USP47: variants seen among roughly 807,000 people sequenced by gnomAD.
USP47 encodes the protein ubiquitin carboxyl-terminal hydrolase 47.
In USP47, 35 loss-of-function variants were observed where a neutral mutation model predicts 165.1. The ratio of observed to expected loss-of-function variants is 0.21; its 90% CI spans 0.16 to 0.28. USP47 has a LOEUF of 0.28. Among genes scored for constraint, USP47 ranks in the 10% least tolerant of loss-of-function variants. USP47 has a pLI of 1.00. For missense variants in USP47, 1,277 were observed against 1,607.4 expected (o/e 0.79, Z 3.52); for synonymous variants, 531 against 544.5 (o/e 0.98, Z 0.35).
At chr11:11,888,744 A>T (rs1207602781) in intron 3 of USP47, among the ~76,000 whole-genome samples, 2 of 152,196 alleles carry the variant, frequency 1.3e-5, no homozygotes, top group East Asian at 3.8e-4. Context: ...GCAGAGATAC[A>T]ACAAGAAAAG....
intron 20 of USP47, among the ~76,000 whole-genome samples, chr11:11,946,124 C>T (rs1359508317): frequency 6.6e-6 from 1 of 152,012 alleles, no homozygotes; most frequent in African/African-American, 2.4e-5. Flanking sequence ...GTAATTATAG[C>T]CAATAAATTA....
chr11:11,944,903 G>A (rs535627718), intron 20 of USP47, among the ~76,000 whole-genome samples: 5 of 152,252 alleles, frequency 3.3e-5, no homozygotes, highest in South Asian at 2.1e-4. Flanking sequence ...AGTCTCAACC[G>A]TAGGAAAAAT....
chr11:11,926,278 A>G (rs762076495), intron 11 of USP47, among the ~76,000 whole-genome samples: 5 of 152,138 alleles, frequency 3.3e-5, no homozygotes, highest in Non-Finnish European at 7.4e-5. Flanking sequence ...CAAATGTTTG[A>G]TAAAATTCTC....
At chr11:11,934,085 T>C in intron 16 of USP47, 150 bp downstream of exon 16, 1 of 588,182 alleles carries the variant, frequency 1.7e-6, no homozygotes, top group Non-Finnish European at 2.9e-6. Context: ...TATTTATACC[T>C]CTCCTTTGGA....
intron 16 of USP47, among the ~76,000 whole-genome samples, chr11:11,935,512 A>G (rs894185495): frequency 5.9e-5 from 9 of 151,976 alleles, no homozygotes; most frequent in African/African-American, 1.9e-4. Context: ...AGTCAATCTT[A>G]TATGCCAAAA....
At position 11,880,347 on chromosome 11, in the gene USP47, G is replaced by T; in HGVS notation, c.210G>T (p.Leu70Phe). The change falls in exon 2 of 28, where the codon TTG becomes TTT. Residue 70 changes from leucine (L) to phenylalanine (F), a missense_variant. By Grantham distance (22) the Leu-to-Phe change is conservative. Coordinates refer to ENST00000527733, the MANE Select transcript of USP47 (RefSeq NM_001282659.2). ...KVGYINGTFDLVWGNGINTAD... is the reference protein window; with the variant it reads ...KVGYINGTFDFVWGNGINTAD... ...GCTACATAAATGGAACCTTTGACTT[G>T]GTGTGGGGAAATGGAATCAATACTG... The T allele has an allele frequency of 3.0e-6, 4 of 1,353,302 alleles. No homozygotes were observed. The highest frequency in any genetic ancestry group is 3.8e-6 in the Non-Finnish European group (4 of 1,057,734). 83.8% of individuals were successfully genotyped at this position (1,353,302 alleles called of 1,614,324 possible). A position where few individuals can be genotyped will look rare whatever the true frequency, so the allele number is the denominator to read the frequency against.
chr11:11,949,615 C>T (rs1041366378), intron 22 of USP47, among the ~76,000 whole-genome samples: 3 of 152,012 alleles, frequency 2.0e-5, no homozygotes, highest in African/African-American at 7.2e-5. Flanking sequence ...AAGGAAAATA[C>T]AAGTGTGTTA....
At chr11:11,954,149 C>T (rs977392745) in intron 25 of USP47, among the ~76,000 whole-genome samples, 1 of 152,036 alleles carries the variant, frequency 6.6e-6, no homozygotes, top group Non-Finnish European at 1.5e-5. Flanking sequence ...ACTCAGGAGG[C>T]TGAAGCTGGA....
rs1161518047 is a variant in USP47 at position 11,958,721 on chromosome 11, G to A, written c.*2546G>A. On this transcript the variant is annotated 3_prime_UTR_variant, in exon 28 of 28. Coordinates refer to ENST00000527733, the MANE Select transcript of USP47 (RefSeq NM_001282659.2). ...TGTTTCTAAGGCGGGCACTCAAGGT[G>A]AGGGGTGCATTCTGGCCAAAGAAAC... is the stretch of plus-strand genomic sequence containing the variant. 6.6e-6 allele frequency: 1 copy of A among 152,294 alleles called. No individual in the cohort carries two copies. Among genetic ancestry groups the A allele is most frequent in the African/African-American group, 2.4e-5 (1 of 41,462 alleles). The allele number at this position is 152,294 out of a possible 1,614,324, so 9.4% of individuals were successfully genotyped here.
At chr11:11,950,298 T>G in intron 23 of USP47, 66 bp from the exon 24 acceptor site, 1 of 1,101,686 alleles carries the variant, frequency 9.1e-7, no homozygotes, top group Non-Finnish European at 1.3e-6. Flanking sequence ...GGTGTCAGAT[T>G]AGTGTCAATC....
At chr11:11,913,897 A>C (rs1454087691) in intron 8 of USP47, among the ~76,000 whole-genome samples, 24 of 152,086 alleles carry the variant, frequency 1.6e-4, no homozygotes, top group Admixed American at 1.4e-3. Context: ...TATGTGTCAA[A>C]AAAACTTTGA....
chr11:11,933,747 T>C, intron 15 of USP47, 84 bp from the exon 16 acceptor site: 1 of 949,348 alleles, frequency 1.1e-6, no homozygotes, highest in South Asian at 1.5e-5. Flanking sequence ...ATTGCAGTAT[T>C]TTGACAATTA....
chr11:11,872,091 A>T (rs1850107038), intron 1 of USP47, among the ~76,000 whole-genome samples: 1 of 152,200 alleles, frequency 6.6e-6, no homozygotes, highest in Non-Finnish European at 1.5e-5. Context: ...AGGCTGAAAC[A>T]GCTTGTTTCT....
At chr11:11,850,287 C>G (rs1848650429) in intron 1 of USP47, among the ~76,000 whole-genome samples, 1 of 150,904 alleles carries the variant, frequency 6.6e-6, no homozygotes, top group African/African-American at 2.4e-5. Context: ...CTATTTTCAT[C>G]TATTTTCCAT....
intron 1 of USP47, among the ~76,000 whole-genome samples, chr11:11,877,844 T>C (rs1050296347): frequency 9.7e-5 from 11 of 113,860 alleles, no homozygotes; most frequent in African/African-American, 3.9e-4. Context: ...TGTGTGTGTG[T>C]GTGTGTGTGT....
At chr11:11,873,786 CT>C in intron 1 of USP47, 1 of 1,394,442 alleles carries the variant, frequency 7.2e-7, no homozygotes, top group Non-Finnish European at 9.4e-7. Flanking sequence ...TCATTTTGTT[CT>C]TATATACCAT....
intron 4 of USP47, among the ~76,000 whole-genome samples, chr11:11,897,313 A>G (rs1318465665): frequency 6.6e-6 from 1 of 151,996 alleles, no homozygotes; most frequent in Non-Finnish European, 1.5e-5. Context: ...CACATACTTT[A>G]CTGAACATAT....
chr11:11,905,488 A>C lies in USP47; in HGVS notation c.909A>C (p.Thr303=). The change falls in exon 8 of 28, where the codon ACA becomes ACC. Residue 303 remains threonine, a synonymous_variant. Coordinates refer to ENST00000527733, the MANE Select transcript of USP47 (RefSeq NM_001282659.2). ...ECGYEGWRID[T]YLDIPLVIRP... ...GTTATGAGGGCTGGCGAATCGACACATATCTTGATATTCCATTGGTCATCC... is the reference window on the plus strand; with the variant it reads ...GTTATGAGGGCTGGCGAATCGACACCTATCTTGATATTCCATTGGTCATCC... The C allele has an allele frequency of 6.2e-7, 1 of 1,610,096 alleles. No homozygotes were observed. Among genetic ancestry groups the C allele is most frequent in the East Asian group, 2.2e-5 (1 of 44,758 alleles).
intron 1 of USP47, among the ~76,000 whole-genome samples, chr11:11,842,944 C>T (rs1466671892): frequency 6.7e-6 from 1 of 148,304 alleles, no homozygotes; most frequent in Non-Finnish European, 1.5e-5. Flanking sequence ...TACTTGGCTT[C>T]TCTTGAATAG....
Sources: allele counts gnomAD v4.1 joint callset (sites outside exome capture counted in the v4.1 genomes callset), GRCh38; gene constraint gnomAD v4.1.1; transcripts MANE v1.5; gene names NCBI Gene and HGNC (gene_info 2026-07-23, HGNC 2026-07-21).